The following CRB1 variants were observed in gnomAD, a reference collection of about 807,000 sequenced individuals.
CRB1 encodes the protein crumbs cell polarity complex component 1, also known as protein crumbs homolog 1.
Under a neutral mutation model 120.0 loss-of-function variants are expected in CRB1, and 83 were observed. The ratio of observed to expected loss-of-function variants is 0.69; its 90% confidence interval spans 0.58 to 0.83. The LOEUF is 0.83. Ranked by LOEUF, CRB1 falls within the 40% of genes least tolerant of loss-of-function variation. The pLI is 0.00. For missense variants in CRB1, 1,699 were observed against 1,687.6 expected (o/e 1.01, Z -0.12); for synonymous variants, 625 against 612.5 (o/e 1.02, Z -0.30).
At chr1:197,367,804 T>G (rs1661154918) in intron 5 of CRB1, among the ~76,000 whole-genome samples, 1 of 152,134 alleles carries the variant, frequency 6.6e-6, no homozygotes, top group Non-Finnish European at 1.5e-5. Flanking sequence ...ACTTCACCCA[T>G]CTGCTCTCTG....
intron 5 of CRB1, among the ~76,000 whole-genome samples, chr1:197,379,363 G>A (rs1217969501): frequency 6.6e-6 from 1 of 151,150 alleles, no homozygotes; most frequent in East Asian, 1.9e-4. Context: ...ATAGTGCCAC[G>A]ATCTCAGCTC....
At chr1:197,416,117 T>C (rs1663987499) in intron 5 of CRB1, among the ~76,000 whole-genome samples, 1 of 152,204 alleles carries the variant, frequency 6.6e-6, no homozygotes, top group Non-Finnish European at 1.5e-5. Flanking sequence ...ATCTCTTCAG[T>C]ATTGTCTTGA....
rs2125333261 is a variant in CRB1 at position 197,347,385 on chromosome 1, T to C, written c.894T>C (p.Cys298=). The change falls in exon 4 of 12, where the codon TGT becomes TGC. Residue 298 remains cysteine (C), a synonymous_variant. Coordinates refer to ENST00000367400, the MANE Select transcript of CRB1 (RefSeq NM_201253.3). ...GTAGTGGATTCACAGGGACACACTG[T>C]GAGACCTTGATGCCTCTTTGTTGGT... The part of the protein sequence containing the change: ...CTGSGFTGTH[C]ETLMPLCWSK... 6.2e-7 allele frequency: 1 copy of C among 1,613,922 alleles called. No individual in the cohort carries two copies. The highest frequency in any genetic ancestry group is 1.7e-5 in the Admixed American group (1 of 60,024).
intron 2 of CRB1, among the ~76,000 whole-genome samples, chr1:197,342,306 T>C (rs958982288): frequency 5.3e-5 from 8 of 152,108 alleles, no homozygotes; most frequent in Non-Finnish European, 8.8e-5. Context: ...TCCATACCCA[T>C]ACTCTCTCTC....
chr1:197,474,477 A>G (rs1230993623), intron 11 of CRB1, among the ~76,000 whole-genome samples: 4 of 152,160 alleles, frequency 2.6e-5, no homozygotes, highest in African/African-American at 4.8e-5. Flanking sequence ...TAGATGAAGG[A>G]CTTGGTTCCT....
At chr1:197,221,394 C>T in the CRB1 span, among the ~76,000 whole-genome samples, 2 of 152,034 alleles carry the variant, frequency 1.3e-5, no homozygotes, top group Admixed American at 6.6e-5. Flanking sequence ...GAGTCAAGAC[C>T]CTCTGTGTTC....
At chr1:197,263,445 G>A (rs566280001), upstream of CRB1, among the ~76,000 whole-genome samples, 2 of 152,178 alleles carry the variant, frequency 1.3e-5, no homozygotes, top group Admixed American at 6.5e-5. Flanking sequence ...TGGATGCATA[G>A]TTTGCAAAAA....
chr1:197,275,955 G>T (rs1460436951), intron 1 of CRB1, among the ~76,000 whole-genome samples: 1 of 151,436 alleles, frequency 6.6e-6, no homozygotes, highest in Non-Finnish European at 1.5e-5. Flanking sequence ...AAGGAAGAAG[G>T]TACTCAGTCA....
chr1:197,354,911 G>C (rs1030515215), intron 4 of CRB1, among the ~76,000 whole-genome samples: 4 of 124,180 alleles, frequency 3.2e-5, no homozygotes, highest in Non-Finnish European at 5.1e-5. Context: ...CAATTGGTCT[G>C]TTTTACAGAG....
At chr1:197,306,344 G>T (rs142181758) in intron 1 of CRB1, among the ~76,000 whole-genome samples, 440 of 152,222 alleles carry the variant, frequency 2.9e-3, no homozygotes, top group Non-Finnish European at 5.0e-3. Context: ...GGATAAATTA[G>T]GATAAAACAA....
At chr1:197,316,071 T>G (rs941621633) in intron 1 of CRB1, among the ~76,000 whole-genome samples, 1 of 152,214 alleles carries the variant, frequency 6.6e-6, no homozygotes, top group Non-Finnish European at 1.5e-5. Flanking sequence ...AGATATATCT[T>G]AAGATCTTCA....
At chr1:197,235,225 G>T in the CRB1 span, among the ~76,000 whole-genome samples, 2 of 152,128 alleles carry the variant, frequency 1.3e-5, no homozygotes, top group Non-Finnish European at 2.9e-5. Context: ...GATGCATAGA[G>T]GTCATCATGT....
chr1:197,329,356 C>T (rs1320494712), intron 2 of CRB1, among the ~76,000 whole-genome samples: 2 of 152,166 alleles, frequency 1.3e-5, no homozygotes, highest in African/African-American at 4.8e-5. Flanking sequence ...ATCCCCAAAG[C>T]CTGGCACTGC....
At chr1:197,406,301 T>C (rs938943957) in intron 5 of CRB1, among the ~76,000 whole-genome samples, 49 of 152,282 alleles carry the variant, frequency 3.2e-4, no homozygotes, top group African/African-American at 1.2e-3. Flanking sequence ...CTCTGAAACA[T>C]GTGCTGTGTC....
At chr1:197,274,039 A>G (rs1179864842) in intron 1 of CRB1, among the ~76,000 whole-genome samples, 2 of 152,094 alleles carry the variant, frequency 1.3e-5, no homozygotes, top group South Asian at 4.1e-4. Flanking sequence ...TTCTATAGAT[A>G]TCTCTATATG....
chr1:197,396,016 A>G (rs1261500902), intron 5 of CRB1, among the ~76,000 whole-genome samples: 3 of 152,146 alleles, frequency 2.0e-5, no homozygotes, highest in Non-Finnish European at 2.9e-5. Context: ...AGAAAAAGAA[A>G]TAGCAGTTAC....
intron 4 of CRB1, among the ~76,000 whole-genome samples, chr1:197,351,343 G>C (rs999642611): frequency 3.9e-5 from 5 of 129,294 alleles, no homozygotes; most frequent in African/African-American, 1.6e-4. Context: ...CTGTACTCCA[G>C]GGCGAGAGGG....
At chr1:197,422,913 A>C (rs996828467) in intron 6 of CRB1, 19 of 152,146 alleles carry the variant, frequency 1.2e-4, no homozygotes, top group Non-Finnish European at 2.4e-4. Flanking sequence ...CCATGTTCAA[A>C]TGTCTAAGAA....
In CRB1 at chr1:197,369,322, A is replaced by G. The variant is rs369625308; in HGVS notation, c.1171+12309A>G. Among the ~76,000 whole-genome samples, 4 of 152,030 alleles carry G rather than the reference A, an allele frequency of 2.6e-5. No homozygotes were observed. In the East Asian group the frequency reaches 5.8e-4, roughly 22 times the overall value. Reference sequence around the variant, plus strand: ...AGTCTGTCTTCTGATATTAACACAGAAGACCCTCAGAAACACCCCTCTCCT... The same window carrying G: ...AGTCTGTCTTCTGATATTAACACAGGAGACCCTCAGAAACACCCCTCTCCT... On this transcript the variant is annotated intron_variant, in intron 5 of 11. Transcript: ENST00000367400.
Sources: gnomAD v4.1 joint callset for allele counts (sites outside exome capture counted in the v4.1 genomes callset) on GRCh38, gnomAD v4.1.1 for gene constraint, MANE v1.5 for transcripts, NCBI Gene and HGNC (gene_info 2026-07-23, HGNC 2026-07-21) for gene names.